Variants in KCNC1 observed in about 807,000 individuals in gnomAD.
KCNC1 encodes the protein potassium voltage-gated channel subfamily C member 1, also known as voltage-gated potassium channel KCNC1.
In KCNC1, 8 loss-of-function variants were observed where a neutral mutation model predicts 43.4. The ratio of observed to expected loss-of-function variants is 0.18; its 90% CI spans 0.11 to 0.33. The LOEUF (loss-of-function observed/expected upper bound fraction) is 0.33. KCNC1 is among the 10% of genes least tolerant of loss of function. The pLI is 1.00. For missense variants in KCNC1, 420 were observed against 836.0 expected, an observed-to-expected ratio of 0.50 and a Z score of 6.14; for synonymous variants, 361 against 360.5, an observed-to-expected ratio of 1.00 and a Z score of -0.01.
rs1848773283 is a variant in KCNC1 at position 17,736,788 on chromosome 11, AT to A, written c.570+217del. On this transcript the variant is annotated intron_variant, in intron 1 of 3. Coordinates refer to ENST00000265969, the MANE Select transcript of KCNC1 (RefSeq NM_001112741.2). This position sits in a 1 kb window ranked among gnomAD's most constrained non-coding sequence, Gnocchi z 9.3. Reference sequence around the variant, plus strand: ...CAGTCTGTGTGTTGCCAAGTTTAATATGTATGAGTATGAATGGGTGTGTTTG... The same window carrying A: ...CAGTCTGTGTGTTGCCAAGTTTAATAGTATGAGTATGAATGGGTGTGTTTG... 6.6e-6 allele frequency among the ~76,000 whole-genome samples: 1 copy of A among 152,162 alleles called. No individual in the cohort carries two copies. Among genetic ancestry groups the A allele is most frequent in the South Asian group, 2.1e-4 (1 of 4,820 alleles).
intron 2 of KCNC1, chr11:17,775,102 A>G (rs1849270204): frequency 1.0e-6 from 1 of 985,340 alleles, no homozygotes; most frequent in Non-Finnish European, 1.2e-6. Context: ...AGGGGCAAGG[A>G]AGGTAAATGT....
At chr11:17,766,165 G>A (rs1849148541) in intron 1 of KCNC1, among the ~76,000 whole-genome samples, 2 of 152,252 alleles carry the variant, frequency 1.3e-5, no homozygotes, top group Admixed American at 1.3e-4. Flanking sequence ...ATCTGTGTGT[G>A]CCGAGTGTGT....
chr11:17,763,568 C>CACA (rs1849102844), intron 1 of KCNC1, among the ~76,000 whole-genome samples: 1 of 131,718 alleles, frequency 7.6e-6, no homozygotes, highest in Non-Finnish European at 1.6e-5. Context: ...CCCACACATG[C>CACA]AATACACACA....
intron 1 of KCNC1, among the ~76,000 whole-genome samples, chr11:17,768,030 T>C (rs1849174087): frequency 6.6e-6 from 1 of 152,030 alleles, no homozygotes; most frequent in Non-Finnish European, 1.5e-5. Context: ...TGCCTGGGAG[T>C]TACCAGGCTC....
Position 17,777,344 on chromosome 11 carries a change from C to G in KCNC1, c.1505-2112C>G. 1.0e-6 allele frequency: 1 copy of G among 985,874 alleles called. No homozygotes were observed. Among genetic ancestry groups the G allele is most frequent in the South Asian group, 4.7e-5 (1 of 21,276 alleles). 61.1% of individuals were successfully genotyped at this position (985,874 alleles called of 1,614,324 possible). A position where few individuals can be genotyped will look rare whatever the true frequency, so the allele number is the denominator to read the frequency against. On this transcript the variant is annotated intron_variant, in intron 2 of 3. Coordinates refer to ENST00000265969, the MANE Select transcript of KCNC1 (RefSeq NM_001112741.2). This position sits in a 1 kb window ranked among gnomAD's most constrained non-coding sequence, Gnocchi z 4.3. ...GGCCAACAGAGACTCAGCAAGTCCTCACTCCCCTCCCAGAAGGAGACGCTG... is the reference window on the plus strand; with the variant it reads ...GGCCAACAGAGACTCAGCAAGTCCTGACTCCCCTCCCAGAAGGAGACGCTG...
rs146339298 is a variant in KCNC1, at chr11:17,749,574, G to A, written c.570+13002G>A. ...AGCCACCCACCAGGGCCAGTGTCTC[G>A]CCACTTAGAGATGAATGTTTGATGC... On this transcript the variant is annotated intron_variant, in intron 1 of 3. Coordinates refer to ENST00000265969, the MANE Select transcript of KCNC1 (RefSeq NM_001112741.2). Among the ~76,000 whole-genome samples the A allele has an allele frequency of 4.6e-3, 697 of 152,348 alleles. 3 individuals carry two copies. The highest frequency in any genetic ancestry group is 8.2e-3 in the Non-Finnish European group (555 of 68,022).
At position 17,782,969 on chromosome 11, in the gene KCNC1, C is replaced by T. The variant is rs1396179861; in HGVS notation, c.*1235C>T. The T allele has an allele frequency of 6.6e-6, 1 of 152,182 alleles. No homozygotes were observed. The highest frequency in any genetic ancestry group is 1.5e-5 in the Non-Finnish European group (1 of 68,034). The allele number at this position is 152,182 out of a possible 1,614,324, so 9.4% of individuals were successfully genotyped here. A position where few individuals can be genotyped will look rare whatever the true frequency, so the allele number is the denominator to read the frequency against. On this transcript the variant is annotated 3_prime_UTR_variant, in exon 4 of 4. Coordinates refer to ENST00000265969, the MANE Select transcript of KCNC1 (RefSeq NM_001112741.2). ...CTTTCACTGCAGCTCACAACATTTC[C>T]TGGAAAGAGAGCAATGATGCTTTAG...
chr11:17,776,024 G>C lies in KCNC1; in HGVS notation c.1504+3426G>C. Reference sequence around the variant, plus strand: ...GGCAGCGCTGACTAGGCGGCGGGTGGGGCTAAGAGAGTTTCTGCAGGGACC... The same window carrying C: ...GGCAGCGCTGACTAGGCGGCGGGTGCGGCTAAGAGAGTTTCTGCAGGGACC... On this transcript the variant is annotated intron_variant, in intron 2 of 3. Transcript: ENST00000265969. The surrounding 1 kb of genome is among the most constrained non-coding windows in gnomAD (Gnocchi z 4.4). 1 of 985,406 alleles carries C rather than the reference G, an allele frequency of 1.0e-6. No individual in the cohort carries two copies. The highest frequency in any genetic ancestry group is 1.2e-6 in the Non-Finnish European group (1 of 829,978). The allele number at this position is 985,406 out of a possible 1,614,324, so 61.0% of individuals were successfully genotyped here.
intron 2 of KCNC1, 75 bp downstream of exon 2, chr11:17,772,673 C>A: frequency 6.4e-7 from 1 of 1,558,872 alleles, no homozygotes; most frequent in South Asian, 1.2e-5. Flanking sequence ...CAGATCCAGT[C>A]AGACTGCTTC....
At position 17,772,458 on chromosome 11, in the gene KCNC1, A is replaced by G. The variant is rs1849240860; in HGVS notation, c.1364A>G (p.Lys455Arg). ...LAMAKQKLPK[K>R]KKKHIPRPPQ... ...ATGGCTAAGCAGAAACTACCAAAGA[A>G]AAAAAAGAAGCATATTCCGCGGCCA... Residue 455 changes from lysine to arginine, a missense_variant, in exon 2 of 4, where the codon AAA becomes AGA. Physicochemically the swap from Lys to Arg is conservative, Grantham distance 26. Coordinates refer to ENST00000265969, the MANE Select transcript of KCNC1 (RefSeq NM_001112741.2). The G allele has an allele frequency of 1.2e-6, 2 of 1,614,234 alleles. No individual in the cohort carries two copies.
intron 1 of KCNC1, among the ~76,000 whole-genome samples, chr11:17,752,629 G>A (rs928882522): frequency 6.6e-6 from 1 of 152,224 alleles, no homozygotes; most frequent in South Asian, 2.1e-4. Context: ...GGGGCCAGTA[G>A]AGTGGTTAAG....
intron 2 of KCNC1, chr11:17,774,972 G>C: frequency 1.0e-6 from 1 of 985,442 alleles, no homozygotes. Flanking sequence ...GGTCTTTAGG[G>C]GCGTTGTCCC....
intron 2 of KCNC1, chr11:17,772,799 C>T (rs2133805775): frequency 6.9e-7 from 1 of 1,453,374 alleles, no homozygotes; most frequent in African/African-American, 1.4e-5. Flanking sequence ...AGAGGAACCT[C>T]ACTGGTGCCC....
rs1849291342 is a variant in KCNC1 at position 17,776,659 on chromosome 11, G to C, written c.1505-2797G>C. 1.0e-6 allele frequency: 1 copy of C among 985,148 alleles called. No homozygotes were observed. The highest frequency in any genetic ancestry group is 1.2e-6 in the Non-Finnish European group (1 of 829,870). The allele number at this position is 985,148 out of a possible 1,614,324, so 61.0% of individuals were successfully genotyped here. A position where few individuals can be genotyped will look rare whatever the true frequency, so the allele number is the denominator to read the frequency against. ...TCTAGTGGGGGCCTGGGGGCCCTGGGCTGGGGGAGGCAGGGCCCCCAGCCT... is the reference window on the plus strand; with the variant it reads ...TCTAGTGGGGGCCTGGGGGCCCTGGCCTGGGGGAGGCAGGGCCCCCAGCCT... On this transcript the variant is annotated intron_variant, in intron 2 of 3. Transcript: ENST00000265969. This position sits in a 1 kb window ranked among gnomAD's most constrained non-coding sequence, Gnocchi z 4.4.
intron 1 of KCNC1, among the ~76,000 whole-genome samples, chr11:17,749,573 C>T (rs563894967): frequency 4.5e-4 from 68 of 152,336 alleles, no homozygotes; most frequent in African/African-American, 1.5e-3. Flanking sequence ...GCCAGTGTCT[C>T]GCCACTTAGA....
At chr11:17,737,263 G>A (rs1469366687) in intron 1 of KCNC1, among the ~76,000 whole-genome samples, 1 of 152,200 alleles carries the variant, frequency 6.6e-6, no homozygotes, top group Non-Finnish European at 1.5e-5. Context: ...ATCACAGCCT[G>A]TCCTTCCTCC....
At chr11:17,749,582 G>GAGAT (rs1255951291) in intron 1 of KCNC1, among the ~76,000 whole-genome samples, 1 of 152,350 alleles carries the variant, frequency 6.6e-6, no homozygotes, top group Admixed American at 6.5e-5. Context: ...TCGCCACTTA[G>GAGAT]AGATGAATGT....
At chr11:17,745,202 G>C (rs1023304338) in intron 1 of KCNC1, among the ~76,000 whole-genome samples, 1 of 152,152 alleles carries the variant, frequency 6.6e-6, no homozygotes, top group Non-Finnish European at 1.5e-5. Flanking sequence ...GGATGGGCGT[G>C]TGTGGGTTGG....
At chr11:17,749,094 A>G (rs1347139809) in intron 1 of KCNC1, among the ~76,000 whole-genome samples, 1 of 152,234 alleles carries the variant, frequency 6.6e-6, no homozygotes, top group Non-Finnish European at 1.5e-5. Context: ...CACAGGCCAC[A>G]CTGGAGCCAG....
Sources: allele counts gnomAD v4.1 joint callset (sites outside exome capture counted in the v4.1 genomes callset), GRCh38; gene constraint gnomAD v4.1.1; non-coding constraint Gnocchi (gnomAD v3.1); transcripts MANE v1.5; gene names NCBI Gene and HGNC (gene_info 2026-07-23, HGNC 2026-07-21).